The following AUTS2 variants were observed in gnomAD, a reference collection of about 807,000 sequenced individuals.
AUTS2 encodes activator of transcription and developmental regulator AUTS2, also known as autism susceptibility gene 2 protein.
A neutral mutation model predicts 112.4 loss-of-function variants in AUTS2; 17 were observed. The observed-to-expected ratio is 0.15, with a 90% CI of 0.10 to 0.23. AUTS2 has a LOEUF of 0.23. Ranked by LOEUF, AUTS2 falls within the 10% of genes least tolerant of loss-of-function variation. The pLI is 1.00. For synonymous variants in AUTS2, 751 were observed against 702.7 expected, an observed-to-expected ratio of 1.07 and a Z score of -1.09; for missense variants, 1,510 against 1,701.6, an observed-to-expected ratio of 0.89 and a Z score of 1.98.
intron 4 of AUTS2, among the ~76,000 whole-genome samples, chr7:70,311,871 A>G (rs1289162151): frequency 6.6e-6 from 1 of 152,056 alleles, no homozygotes; most frequent in Non-Finnish European, 1.5e-5. Flanking sequence ...ACCCACCACC[A>G]CGCCTGGCTA....
chr7:70,155,310 C>A (rs866351227), intron 4 of AUTS2, among the ~76,000 whole-genome samples: 1 of 152,028 alleles, frequency 6.6e-6, no homozygotes, highest in African/African-American at 2.4e-5. Context: ...TGCAAGGCTC[C>A]TAGGAAGTTG....
intron 5 of AUTS2, among the ~76,000 whole-genome samples, chr7:70,494,152 A>T (rs1429888083): frequency 6.6e-6 from 1 of 152,218 alleles, no homozygotes; most frequent in Non-Finnish European, 1.5e-5. Flanking sequence ...TGTGACCAAC[A>T]TCTTGTCTCC....
chr7:70,720,949 T>G (rs1301876164), intron 6 of AUTS2, among the ~76,000 whole-genome samples: 1 of 152,090 alleles, frequency 6.6e-6, no homozygotes, highest in Non-Finnish European at 1.5e-5. Context: ...GGGGTGTGTA[T>G]TTCAGGTAAC....
chr7:70,772,064 A>G (rs926061802), intron 11 of AUTS2, among the ~76,000 whole-genome samples: 1 of 152,184 alleles, frequency 6.6e-6, no homozygotes, highest in African/African-American at 2.4e-5. Context: ...AGTGGGGATA[A>G]AGGTTCCACA....
intron 2 of AUTS2, among the ~76,000 whole-genome samples, chr7:69,995,408 G>A (rs559883121): frequency 1.1e-4 from 17 of 152,174 alleles, no homozygotes; most frequent in Non-Finnish European, 1.9e-4. Flanking sequence ...TTGACTGGAA[G>A]ATTTGGCCTT....
intron 1 of AUTS2, among the ~76,000 whole-genome samples, chr7:69,862,909 C>T (rs1443419971): frequency 6.6e-6 from 1 of 152,076 alleles, no homozygotes. Context: ...TTTGGTGCTG[C>T]CAAGCTGAGC....
At chr7:70,036,715 T>C (rs1479709147) in intron 2 of AUTS2, among the ~76,000 whole-genome samples, 6 of 152,188 alleles carry the variant, frequency 3.9e-5, no homozygotes, top group African/African-American at 1.4e-4. Flanking sequence ...GGGCTAGGAA[T>C]TACAGAAGAG....
At chr7:70,658,079 A>C (rs774270811) in intron 5 of AUTS2, among the ~76,000 whole-genome samples, 5 of 152,240 alleles carry the variant, frequency 3.3e-5, no homozygotes, top group Non-Finnish European at 7.3e-5. Flanking sequence ...GCTTCTGCCA[A>C]AGCAGATATG....
At chr7:70,615,198 C>T (rs1195005583) in intron 5 of AUTS2, among the ~76,000 whole-genome samples, 1 of 152,126 alleles carries the variant, frequency 6.6e-6, no homozygotes, top group Non-Finnish European at 1.5e-5. Flanking sequence ...AAGGAGATGG[C>T]ACATCTGCCT....
chr7:69,829,611 G>A (rs568073246), intron 1 of AUTS2, among the ~76,000 whole-genome samples: 1 of 152,254 alleles, frequency 6.6e-6, no homozygotes, highest in South Asian at 2.1e-4. Flanking sequence ...AGACATTTAT[G>A]CGGCCAAAAA....
chr7:69,702,102 A>G (rs753312509), intron 1 of AUTS2, among the ~76,000 whole-genome samples: 40 of 152,220 alleles, frequency 2.6e-4, no homozygotes, highest in Admixed American at 1.0e-3. Flanking sequence ...CGAGAGGTCA[A>G]TGTGGTGCTG....
At chr7:70,213,264 C>T (rs1811002321) in intron 4 of AUTS2, among the ~76,000 whole-genome samples, 1 of 151,548 alleles carries the variant, frequency 6.6e-6, no homozygotes, top group Admixed American at 6.6e-5. Context: ...TGGTGACCCA[C>T]GCCTGTAATA....
intron 2 of AUTS2, among the ~76,000 whole-genome samples, chr7:69,953,582 A>G (rs1315932593): frequency 6.6e-6 from 1 of 152,204 alleles, no homozygotes; most frequent in Non-Finnish European, 1.5e-5. Flanking sequence ...AATGCTCTCC[A>G]ACATCTGGGG....
chr7:70,425,022 G>A (rs1795375162), intron 4 of AUTS2, among the ~76,000 whole-genome samples: 1 of 152,180 alleles, frequency 6.6e-6, no homozygotes, highest in African/African-American at 2.4e-5. Flanking sequence ...AAAATAGAGA[G>A]CTCAGGGCTG....
chr7:69,907,075 C>T (rs1795176789), intron 2 of AUTS2, among the ~76,000 whole-genome samples: 1 of 152,210 alleles, frequency 6.6e-6, no homozygotes, highest in Admixed American at 6.5e-5. Context: ...CAACTGCACC[C>T]CAGCCTGGGC....
At chr7:69,953,728 A>G (rs1256263732) in intron 2 of AUTS2, among the ~76,000 whole-genome samples, 1 of 152,138 alleles carries the variant, frequency 6.6e-6, no homozygotes, top group African/African-American at 2.4e-5. Flanking sequence ...TTCTTCATAG[A>G]AATACCTTGT....
intron 5 of AUTS2, among the ~76,000 whole-genome samples, chr7:70,506,428 G>C (rs1484572930): frequency 1.3e-5 from 2 of 152,218 alleles, no homozygotes; most frequent in Non-Finnish European, 2.9e-5. Context: ...ATGCCTCATA[G>C]TTTAGCTTTT....
intron 1 of AUTS2, among the ~76,000 whole-genome samples, chr7:69,785,228 C>T (rs905933662): frequency 7.9e-5 from 12 of 152,102 alleles, no homozygotes; most frequent in African/African-American, 2.9e-4. Context: ...ATATTTTTTT[C>T]TCTGAAGTTT....
chr7:70,294,272 T>A (rs1788834822), intron 4 of AUTS2: 1 of 152,190 alleles, frequency 6.6e-6, no homozygotes, highest in Non-Finnish European at 1.5e-5. Context: ...TGTTTAGGAA[T>A]AAGTTGCACA....
Sources: allele counts gnomAD v4.1 joint callset (sites outside exome capture counted in the v4.1 genomes callset), GRCh38; gene constraint gnomAD v4.1.1; transcripts MANE v1.5; gene names NCBI Gene and HGNC (gene_info 2026-07-23, HGNC 2026-07-21).